KMO: variants seen among roughly 807,000 people sequenced by gnomAD.
KMO encodes the protein kynurenine 3-monooxygenase, also known as kynurenine 3-hydroxylase.
KMO carries 24 observed loss-of-function variants against 57.8 expected under a neutral mutation model. The ratio of observed to expected loss-of-function variants is 0.42; its 90% CI spans 0.30 to 0.58. KMO has a LOEUF of 0.58. Among genes scored for constraint, KMO ranks in the 20% least tolerant of loss-of-function variants. The pLI is 0.22. For synonymous variants in KMO, 210 were observed against 193.6 expected (o/e 1.08, Z -0.70); for missense variants, 483 against 588.2 (o/e 0.82, Z 1.85).
At chr1:241,579,940 C>T (rs776546833) in intron 10 of KMO, among the ~76,000 whole-genome samples, 4 of 152,126 alleles carry the variant, frequency 2.6e-5, no homozygotes, top group East Asian at 3.9e-4. Flanking sequence ...TACTGGAGAC[C>T]GGGAATGTCC....
chr1:241,563,266 T>G (rs1358767045), intron 7 of KMO, among the ~76,000 whole-genome samples: 3 of 152,162 alleles, frequency 2.0e-5, no homozygotes, highest in Non-Finnish European at 4.4e-5. Context: ...AGGAACTTGT[T>G]AAGAAAAAAT....
At chr1:241,540,851 C>T (rs1292315092) in intron 1 of KMO, among the ~76,000 whole-genome samples, 2 of 151,942 alleles carry the variant, frequency 1.3e-5, no homozygotes, top group Non-Finnish European at 1.5e-5. Flanking sequence ...ATCACATGAA[C>T]CCAGGGGTTT....
At chr1:241,579,561 T>A (rs1022982812) in intron 10 of KMO, among the ~76,000 whole-genome samples, 1 of 152,114 alleles carries the variant, frequency 6.6e-6, no homozygotes. Flanking sequence ...CCAGCTTCCA[T>A]GCACTTGGCA....
At chr1:241,581,611 AAG>A (rs1662753434) in intron 10 of KMO, among the ~76,000 whole-genome samples, 1 of 152,004 alleles carries the variant, frequency 6.6e-6, no homozygotes, top group Non-Finnish European at 1.5e-5. Flanking sequence ...AGAAGAAAAA[AAG>A]AGAAAAGAAA....
In KMO at chr1:241,550,968, G is replaced by A; in HGVS notation, c.236G>A (p.Gly79Asp). ...VGLEDQIVSQ[G>D]IPMRARMIHS... Reference sequence around the variant, plus strand: ...GTTTCATTTCAGATTGTATCCCAAGGTATTCCCATGAGAGCAAGAATGATC... The same window carrying A: ...GTTTCATTTCAGATTGTATCCCAAGATATTCCCATGAGAGCAAGAATGATC... The change falls in exon 4 of 15, where the codon GGT becomes GAT. Residue 79 changes from glycine to aspartate, a missense_variant. Gly to Asp is a moderately conservative substitution (Grantham distance 94, BLOSUM62 -1). Coordinates refer to ENST00000366559, the MANE Select transcript of KMO (RefSeq NM_003679.5). 3 of 1,527,954 alleles carry A rather than the reference G, an allele frequency of 2.0e-6. No homozygotes were observed. Among genetic ancestry groups the A allele is most frequent in the Non-Finnish European group, 1.8e-6 (2 of 1,137,600 alleles). The allele number at this position is 1,527,954 out of a possible 1,614,324, so 94.6% of individuals were successfully genotyped here. A position where few individuals can be genotyped will look rare whatever the true frequency, so the allele number is the denominator to read the frequency against.
At chr1:241,574,277 T>C (rs1048601323) in intron 10 of KMO, among the ~76,000 whole-genome samples, 1 of 152,130 alleles carries the variant, frequency 6.6e-6, no homozygotes, top group African/African-American at 2.4e-5. Context: ...TCCTGCCTGA[T>C]TACTTTCTCT....
intron 1 of KMO, among the ~76,000 whole-genome samples, chr1:241,541,310 G>A (rs888053719): frequency 9.9e-5 from 15 of 152,254 alleles, no homozygotes; most frequent in Admixed American, 9.2e-4. Context: ...AATATTCACC[G>A]AGCTACCCTG....
At chr1:241,557,107 A>T (rs999851899) in intron 5 of KMO, among the ~76,000 whole-genome samples, 1 of 152,108 alleles carries the variant, frequency 6.6e-6, no homozygotes, top group Non-Finnish European at 1.5e-5. Context: ...GGGGATATAG[A>T]AAGTTGAGAA....
chr1:241,577,401 G>A (rs557253796), intron 10 of KMO, among the ~76,000 whole-genome samples: 2 of 151,792 alleles, frequency 1.3e-5, no homozygotes, highest in East Asian at 3.9e-4. Flanking sequence ...TGATTCAACT[G>A]TGTTTTTCTT....
chr1:241,580,323 T>C (rs912216555), intron 10 of KMO, among the ~76,000 whole-genome samples: 20 of 152,188 alleles, frequency 1.3e-4, no homozygotes, highest in Admixed American at 1.3e-3. Flanking sequence ...GGGAGAGGCA[T>C]GCTAACATTG....
At chr1:241,556,940 T>G (rs1661651355) in intron 5 of KMO, among the ~76,000 whole-genome samples, 1 of 151,924 alleles carries the variant, frequency 6.6e-6, no homozygotes, top group Non-Finnish European at 1.5e-5. Context: ...TTTAGAGAGA[T>G]GAAAAGCCAT....
chr1:241,535,814 G>A (rs1660732671), intron 1 of KMO, among the ~76,000 whole-genome samples: 1 of 152,144 alleles, frequency 6.6e-6, no homozygotes. Context: ...GTTCCAGAAG[G>A]TAACTGCAGG....
At chr1:241,590,513 T>C (rs1663220078) in intron 14 of KMO, among the ~76,000 whole-genome samples, 1 of 152,236 alleles carries the variant, frequency 6.6e-6, no homozygotes, top group Non-Finnish European at 1.5e-5. Flanking sequence ...TTCTCAACTT[T>C]TTACTTTATT....
intron 12 of KMO, 62 bp from the exon 13 acceptor site, chr1:241,589,950 A>C: frequency 8.2e-7 from 1 of 1,222,940 alleles, no homozygotes; most frequent in Non-Finnish European, 1.2e-6. Context: ...AATAATACTA[A>C]GTCGCAGTGA....
At position 241,562,109 on chromosome 1, in the gene KMO, A is replaced by C. The variant is rs912854543; in HGVS notation, c.450-58A>C. 20 of 1,461,828 alleles carry C rather than the reference A, an allele frequency of 1.4e-5. 1 individual carries two copies. Among genetic ancestry groups the C allele is most frequent in the African/African-American group, 4.2e-5 (3 of 71,974 alleles). 90.6% of individuals were successfully genotyped at this position (1,461,828 alleles called of 1,614,324 possible). On this transcript the variant is annotated intron_variant, in intron 6 of 14. Transcript: ENST00000366559. ...CACTACTTCTCATACCCAGAGGTAC[A>C]TCATCATTTTCACCACTAGACATAT...
At chr1:241,562,864 A>T (rs1661907920) in intron 7 of KMO, among the ~76,000 whole-genome samples, 1 of 11,216 alleles carries the variant, frequency 8.9e-5, no homozygotes, top group Admixed American at 9.9e-4. Context: ...GGAAGGAAAG[A>T]AGGAAGGAAG....
In KMO at chr1:241,549,278, A is replaced by G. The variant is rs370052347; in HGVS notation, c.124+380A>G. Among the ~76,000 whole-genome samples the G allele has an allele frequency of 4.1e-3, 496 of 120,456 alleles. 12 individuals are homozygous for G. Among genetic ancestry groups the G allele is most frequent in the Middle Eastern group, 0.026 (6 of 234 alleles). 79.0% of individuals were successfully genotyped at this position (120,456 alleles called of 152,430 possible). On this transcript the variant is annotated intron_variant, in intron 2 of 14. Coordinates refer to ENST00000366559, the MANE Select transcript of KMO (RefSeq NM_003679.5). Reference sequence around the variant, plus strand: ...GAAAGAAAGAAAGAAAGGAAGGAAGAAAGAAAGAAAGGAGAAAGAGCAAGA... The same window carrying G: ...GAAAGAAAGAAAGAAAGGAAGGAAGGAAGAAAGAAAGGAGAAAGAGCAAGA...
chr1:241,594,234 C>T lies in KMO; in HGVS notation c.*2081C>T, dbSNP rs1057200948. 2.2e-5 allele frequency: 12 copies of T among 542,384 alleles called. No individual in the cohort carries two copies. Among genetic ancestry groups the T allele is most frequent in the South Asian group, 6.6e-5 (2 of 30,284 alleles). The allele number at this position is 542,384 out of a possible 1,614,324, so 33.6% of individuals were successfully genotyped here. A position where few individuals can be genotyped will look rare whatever the true frequency, so the allele number is the denominator to read the frequency against. On this transcript the variant is annotated 3_prime_UTR_variant, in exon 15 of 15. Transcript: ENST00000366559. ...TGGTTTTTTCATTATGTAAAGCACC[C>T]GTTGAATTAAAAGAATTTGTTTTTG...
At chr1:241,582,850 A>G (rs749818040) in intron 10 of KMO, among the ~76,000 whole-genome samples, 94 of 152,212 alleles carry the variant, frequency 6.2e-4, no homozygotes, top group African/African-American at 1.9e-3. Context: ...CTGGGTGTTG[A>G]AGAATTAGGT....
Sources: gnomAD v4.1 joint callset for allele counts (sites outside exome capture counted in the v4.1 genomes callset) on GRCh38, gnomAD v4.1.1 for gene constraint, MANE v1.5 for transcripts, NCBI Gene and HGNC (gene_info 2026-07-23, HGNC 2026-07-21) for gene names.